Variants in GRM5 observed in about 807,000 individuals in gnomAD.
GRM5 encodes the protein metabotropic glutamate receptor 5.
GRM5 carries 19 observed loss-of-function variants against 83.1 expected under a neutral mutation model. That is an observed-to-expected ratio of 0.23 (90% confidence interval 0.16 to 0.34). GRM5 has a LOEUF of 0.34. Among genes scored for constraint, GRM5 ranks in the 10% least tolerant of loss-of-function variants. GRM5 has a pLI of 1.00. For synonymous variants in GRM5, 675 were observed against 633.6 expected, an observed-to-expected ratio of 1.07 and a Z score of -0.98; for missense variants, 1,160 against 1,588.3, an observed-to-expected ratio of 0.73 and a Z score of 4.58.
intron 3 of GRM5, among the ~76,000 whole-genome samples, chr11:88,719,497 A>G (rs1941483670): frequency 6.6e-6 from 1 of 151,968 alleles, no homozygotes; most frequent in African/African-American, 2.4e-5. Context: ...TGTCTTTTCT[A>G]TTGCTAATAG....
In GRM5 at chr11:88,637,257, GTCCAA is replaced by G. The variant is rs532587647; in HGVS notation, c.1147+15906_1147+15910del. ...ACAAAGGCATGGGCAATGAATTCAT[GTCCAA>G]AACACCAAAAGCAATGGCAACAAAA... On this transcript the variant is annotated intron_variant, in intron 4 of 9. Coordinates refer to ENST00000305447, the MANE Select transcript of GRM5 (RefSeq NM_001143831.3). 7.2e-5 allele frequency among the ~76,000 whole-genome samples: 11 copies of G among 152,238 alleles called. No homozygotes were observed. The South Asian group carries it at 1.5e-3, about 20-fold the overall frequency.
chr11:88,818,134 A>G (rs1363090669), intron 3 of GRM5, among the ~76,000 whole-genome samples: 2 of 152,152 alleles, frequency 1.3e-5, no homozygotes, highest in African/African-American at 4.8e-5. Context: ...ATTATAAAAA[A>G]AGAAAAAATA....
intron 3 of GRM5, among the ~76,000 whole-genome samples, chr11:88,662,831 C>A (rs1255101127): frequency 6.6e-6 from 1 of 152,100 alleles, no homozygotes; most frequent in Non-Finnish European, 1.5e-5. Flanking sequence ...CAAGCCTACA[C>A]CCACAGACCA....
At chr11:88,993,957 ACT>A (rs1218200968) in intron 2 of GRM5, among the ~76,000 whole-genome samples, 2 of 149,632 alleles carry the variant, frequency 1.3e-5, no homozygotes, top group Non-Finnish European at 3.0e-5. Flanking sequence ...GGCTCAAGCA[ACT>A]CTCTCGCTTT....
At chr11:88,712,740 A>AAT (rs1476319141) in intron 3 of GRM5, among the ~76,000 whole-genome samples, 1 of 152,056 alleles carries the variant, frequency 6.6e-6, no homozygotes, top group Non-Finnish European at 1.5e-5. Flanking sequence ...CTAAACATTG[A>AAT]ATAGTTGTCA....
chr11:89,001,502 A>G (rs907499398), intron 2 of GRM5, among the ~76,000 whole-genome samples: 4 of 152,136 alleles, frequency 2.6e-5, no homozygotes, highest in African/African-American at 9.7e-5. Context: ...GAAGTGACAA[A>G]TTTATAGGAA....
At chr11:88,649,061 ATATAT>A (rs1295755571) in intron 4 of GRM5, among the ~76,000 whole-genome samples, 1 of 145,192 alleles carries the variant, frequency 6.9e-6, no homozygotes, top group African/African-American at 2.5e-5. Context: ...TATATAATAT[ATATAT>A]TATAATATAT....
intron 2 of GRM5, among the ~76,000 whole-genome samples, chr11:89,010,348 A>T (rs1940661217): frequency 6.6e-6 from 1 of 152,182 alleles, no homozygotes; most frequent in Non-Finnish European, 1.5e-5. Flanking sequence ...AAACTGTGTA[A>T]CTTGGTCAAA....
At chr11:88,528,501 TGA>T (rs1941932177) in intron 8 of GRM5, among the ~76,000 whole-genome samples, 2 of 146,276 alleles carry the variant, frequency 1.4e-5, no homozygotes, top group African/African-American at 5.1e-5. Context: ...TTTTTCCAGT[TGA>T]GTTTATTTTA....
At chr11:88,545,304 C>T (rs1942362591) in intron 8 of GRM5, among the ~76,000 whole-genome samples, 2 of 152,132 alleles carry the variant, frequency 1.3e-5, no homozygotes, top group African/African-American at 4.8e-5. Flanking sequence ...TTGCAGTTTC[C>T]TGGACTTGTT....
At chr11:88,741,300 A>G (rs976853476) in intron 3 of GRM5, among the ~76,000 whole-genome samples, 7 of 152,030 alleles carry the variant, frequency 4.6e-5, no homozygotes, top group Admixed American at 1.3e-4. Context: ...AGTAGGGAGA[A>G]TGAAATATTG....
chr11:88,760,385 G>C (rs189975116), intron 3 of GRM5, among the ~76,000 whole-genome samples: 5 of 151,790 alleles, frequency 3.3e-5, no homozygotes, highest in African/African-American at 1.2e-4. Flanking sequence ...ATTTTACCAC[G>C]GACCCCATAG....
intron 3 of GRM5, among the ~76,000 whole-genome samples, chr11:88,826,701 A>C (rs1267651661): frequency 6.6e-6 from 1 of 152,186 alleles, no homozygotes; most frequent in Non-Finnish European, 1.5e-5. Flanking sequence ...AATAAATATA[A>C]GGAATTAGTA....
At chr11:88,978,688 G>A (rs1255901467) in intron 2 of GRM5, among the ~76,000 whole-genome samples, 1 of 151,704 alleles carries the variant, frequency 6.6e-6, no homozygotes, top group African/African-American at 2.4e-5. Flanking sequence ...AAATGTTGAT[G>A]TTGGAGAGAA....
At chr11:89,040,405 T>C (rs1476383234) in intron 2 of GRM5, among the ~76,000 whole-genome samples, 1 of 150,842 alleles carries the variant, frequency 6.6e-6, no homozygotes, top group African/African-American at 2.4e-5. Context: ...TGAGGAAAAA[T>C]GATAAATAAG....
chr11:88,897,270 A>G (rs1945241325), intron 2 of GRM5, among the ~76,000 whole-genome samples: 1 of 151,952 alleles, frequency 6.6e-6, no homozygotes, highest in South Asian at 2.1e-4. Flanking sequence ...AAATTTTGAT[A>G]TAAATATTCA....
intron 3 of GRM5, among the ~76,000 whole-genome samples, chr11:88,674,288 C>T (rs1375400108): frequency 1.3e-5 from 2 of 151,902 alleles, no homozygotes; most frequent in African/African-American, 2.4e-5. Flanking sequence ...TCTCATCCTA[C>T]AGGCCGAGTT....
intron 2 of GRM5, among the ~76,000 whole-genome samples, chr11:88,910,341 T>G (rs567870329): frequency 6.6e-6 from 1 of 152,104 alleles, no homozygotes; most frequent in Admixed American, 6.6e-5. Flanking sequence ...CCAAGTTTAT[T>G]TGGCTATCAT....
At chr11:89,001,394 C>G (rs1301334472) in intron 2 of GRM5, among the ~76,000 whole-genome samples, 1 of 152,210 alleles carries the variant, frequency 6.6e-6, no homozygotes, top group Middle Eastern at 3.4e-3. Context: ...GATATTGATA[C>G]AGCCAACAAC....
Sources: gnomAD v4.1 joint callset for allele counts (sites outside exome capture counted in the v4.1 genomes callset) on GRCh38, gnomAD v4.1.1 for gene constraint, MANE v1.5 for transcripts, NCBI Gene and HGNC (gene_info 2026-07-23, HGNC 2026-07-21) for gene names.